The following UNC13C variants were observed in gnomAD, a reference collection of about 807,000 sequenced individuals.
The protein encoded by UNC13C is unc-13 homolog C.
In UNC13C, 174 loss-of-function variants were observed where a neutral mutation model predicts 245.4. That is an observed-to-expected ratio of 0.71 (90% CI 0.63 to 0.80). The LOEUF is 0.80. UNC13C is among the 30% of genes least tolerant of loss of function. The probability of loss-of-function intolerance (pLI) is 0.00; values close to 1 mark genes in which losing one functional copy is unlikely to be tolerated. For synonymous variants in UNC13C, 992 were observed against 895.1 expected (o/e 1.11, Z -1.93); for missense variants, 2,829 against 2,602.9 (o/e 1.09, Z -1.89).
chr15:54,272,322 A>G (rs1369548787), intron 10 of UNC13C, among the ~76,000 whole-genome samples: 1 of 152,210 alleles, frequency 6.6e-6, no homozygotes, highest in Non-Finnish European at 1.5e-5. Flanking sequence ...TCAGTTAAGC[A>G]TAAACTAAGC....
chr15:54,501,461 T>C (rs111771685), intron 22 of UNC13C, among the ~76,000 whole-genome samples: 39 of 152,288 alleles, frequency 2.6e-4, no homozygotes, highest in African/African-American at 8.7e-4. Flanking sequence ...ATATTTGACA[T>C]ATTGATTTTG....
chr15:53,854,121 G>A, the UNC13C span, among the ~76,000 whole-genome samples: 9 of 78,646 alleles, frequency 1.1e-4, no homozygotes, highest in African/African-American at 3.5e-4. Context: ...GGTTTTTATA[G>A]GTTTTTTTTT....
chr15:54,082,759 T>C (rs1899022538), intron 2 of UNC13C, among the ~76,000 whole-genome samples: 1 of 152,204 alleles, frequency 6.6e-6, no homozygotes, highest in Non-Finnish European at 1.5e-5. Flanking sequence ...TTTTTATCTT[T>C]TCCCTTGAGG....
intron 2 of UNC13C, chr15:54,050,932 C>A: frequency 1.8e-6 from 1 of 545,048 alleles, no homozygotes; most frequent in South Asian, 1.4e-5. Context: ...TACTCAAGTT[C>A]CAGGAAAGCA....
chr15:54,267,791 T>G (rs1486808980), intron 10 of UNC13C, among the ~76,000 whole-genome samples: 1 of 152,082 alleles, frequency 6.6e-6, no homozygotes. Context: ...TGTTTGGGAC[T>G]GTGGGTCTAC....
At chr15:54,426,672 A>G (rs1173645856) in intron 19 of UNC13C, among the ~76,000 whole-genome samples, 1 of 151,656 alleles carries the variant, frequency 6.6e-6, no homozygotes, top group Admixed American at 6.6e-5. Flanking sequence ...GATTATTTTA[A>G]AGGCTGCCTA....
chr15:54,626,672 T>C lies in UNC13C; in HGVS notation c.6360-156T>C, dbSNP rs554802304. On this transcript the variant is annotated intron_variant, in intron 32 of 32. Transcript: ENST00000260323. Reference sequence around the variant, plus strand: ...AAAAGTCATTTTAACATTCGCTTTCTAAGCCAAATTTAAAGGGTTAAAATA... The same window carrying C: ...AAAAGTCATTTTAACATTCGCTTTCCAAGCCAAATTTAAAGGGTTAAAATA... Among the ~76,000 whole-genome samples the C allele has an allele frequency of 2.1e-3, 315 of 152,282 alleles. 2 individuals carry two copies. Among genetic ancestry groups the C allele is most frequent in the African/African-American group, 7.1e-3 (294 of 41,570 alleles).
chr15:53,863,707 G>A, the UNC13C span, among the ~76,000 whole-genome samples: 28 of 152,260 alleles, frequency 1.8e-4, no homozygotes, highest in East Asian at 4.4e-3. Flanking sequence ...GAACAAAGCA[G>A]GTTGCCAGAC....
At chr15:53,956,875 A>AGT in the UNC13C span, among the ~76,000 whole-genome samples, 10,388 of 139,770 alleles carry the variant, frequency 0.074, 581 homozygotes, top group East Asian at 0.2. Context: ...GTTAAGCTCA[A>AGT]GTGTGTGTGT....
intron 1 of UNC13C, among the ~76,000 whole-genome samples, chr15:53,990,775 T>A (rs907708761): frequency 2.6e-5 from 4 of 152,034 alleles, no homozygotes; most frequent in Admixed American, 6.6e-5. Flanking sequence ...TATTTCTCCT[T>A]GTCCCTATCA....
At chr15:54,275,386 C>T (rs2036805400) in intron 10 of UNC13C, among the ~76,000 whole-genome samples, 1 of 152,156 alleles carries the variant, frequency 6.6e-6, no homozygotes, top group African/African-American at 2.4e-5. Context: ...GTGAAAATCA[C>T]ATCATACTTA....
chr15:54,068,558 C>A (rs917177981), intron 2 of UNC13C, among the ~76,000 whole-genome samples: 1 of 152,202 alleles, frequency 6.6e-6, no homozygotes, highest in African/African-American at 2.4e-5. Context: ...GTTGGCAAAG[C>A]GTGTATTTAT....
intron 7 of UNC13C, among the ~76,000 whole-genome samples, chr15:54,239,660 C>G (rs1244853952): frequency 6.6e-6 from 1 of 152,234 alleles, no homozygotes; most frequent in South Asian, 2.1e-4. Flanking sequence ...CTCTGTTGCC[C>G]AGGCTGGTCT....
At chr15:54,090,950 G>C (rs1899535932) in intron 2 of UNC13C, among the ~76,000 whole-genome samples, 2 of 151,996 alleles carry the variant, frequency 1.3e-5, no homozygotes, top group African/African-American at 2.4e-5. Flanking sequence ...AGAATTTGAG[G>C]CCTCTGTGCA....
intron 19 of UNC13C, among the ~76,000 whole-genome samples, chr15:54,475,281 TTTATTA>T (rs60034401): frequency 0.46 from 47,514 of 103,774 alleles, 8,502 homozygotes; most frequent in Middle Eastern, 0.6. Context: ...TGGTTTTTTG[TTTATTA>T]TTATTATTAT....
chr15:54,167,624 AGAAAC>A (rs2033230032), intron 4 of UNC13C, among the ~76,000 whole-genome samples: 5 of 132,050 alleles, frequency 3.8e-5, no homozygotes, highest in South Asian at 2.4e-4. Flanking sequence ...AAAAAAAAAA[AGAAAC>A]AAAACCAAAT....
At chr15:54,077,470 C>A (rs1374492614) in intron 2 of UNC13C, among the ~76,000 whole-genome samples, 1 of 143,592 alleles carries the variant, frequency 7.0e-6, no homozygotes, top group East Asian at 2.3e-4. Flanking sequence ...CCTCTGCCTC[C>A]CAGGTTCAAG....
chr15:54,042,929 A>G (rs1250248347), intron 2 of UNC13C, among the ~76,000 whole-genome samples: 1 of 152,152 alleles, frequency 6.6e-6, no homozygotes, highest in African/African-American at 2.4e-5. Flanking sequence ...CAATGTTACG[A>G]AAGTACGACA....
At chr15:54,607,807 T>A (rs972420922) in intron 30 of UNC13C, among the ~76,000 whole-genome samples, 2 of 152,120 alleles carry the variant, frequency 1.3e-5, no homozygotes, top group African/African-American at 4.8e-5. Flanking sequence ...CCATTCACTG[T>A]CACAAGAAAG....
Sources: gnomAD v4.1 joint callset for allele counts (sites outside exome capture counted in the v4.1 genomes callset) on GRCh38, gnomAD v4.1.1 for gene constraint, MANE v1.5 for transcripts, NCBI Gene and HGNC (gene_info 2026-07-23, HGNC 2026-07-21) for gene names.